HDAC9: variants seen among roughly 807,000 people sequenced by gnomAD.
HDAC9 encodes the protein MEF-2 interacting transcription repressor (MITR) protein.
HDAC9 carries 41 observed loss-of-function variants against 139.4 expected under a neutral mutation model. The ratio of observed to expected loss-of-function variants is 0.29; its 90% CI spans 0.23 to 0.38. The LOEUF (loss-of-function observed/expected upper bound fraction) is 0.38, where lower values mean the gene tolerates loss of function less well. Ranked by LOEUF, HDAC9 falls within the 10% of genes least tolerant of loss-of-function variation. HDAC9 has a pLI of 1.00. For missense variants in HDAC9, 1,147 were observed against 1,297.0 expected, an observed-to-expected ratio of 0.88 and a Z score of 1.78; for synonymous variants, 517 against 476.2, an observed-to-expected ratio of 1.09 and a Z score of -1.12.
chr7:18,194,404 T>C (rs1178327), intron 2 of HDAC9, among the ~76,000 whole-genome samples: 70,196 of 151,968 alleles, frequency 0.46, 17,430 homozygotes, highest in African/African-American at 0.64. Flanking sequence ...TTAAATTTTA[T>C]CATTTTAACA....
chr7:18,989,471 C>T (rs1474309040), intron 25 of HDAC9, among the ~76,000 whole-genome samples: 2 of 151,060 alleles, frequency 1.3e-5, no homozygotes, highest in Non-Finnish European at 3.0e-5. Context: ...ACCTTTCTCT[C>T]TGGCTGCCCT....
At chr7:18,733,777 C>A (rs189885105) in intron 13 of HDAC9, among the ~76,000 whole-genome samples, 2 of 152,032 alleles carry the variant, frequency 1.3e-5, no homozygotes, top group East Asian at 3.9e-4. Context: ...TGAAGACAGA[C>A]TTATTGGGAC....
chr7:18,349,866 A>G (rs1010628104), intron 1 of HDAC9, among the ~76,000 whole-genome samples: 3 of 152,200 alleles, frequency 2.0e-5, no homozygotes, highest in African/African-American at 7.2e-5. Context: ...AATACTTAGT[A>G]TATTTCAGTT....
intron 2 of HDAC9, among the ~76,000 whole-genome samples, chr7:18,538,895 G>A (rs1025895305): frequency 2.0e-5 from 3 of 152,112 alleles, no homozygotes; most frequent in Admixed American, 6.5e-5. Context: ...GGGAGTTCAA[G>A]GTGGAGGGGC....
chr7:18,104,688 G>T (rs528825632), intron 1 of HDAC9, among the ~76,000 whole-genome samples: 20 of 152,012 alleles, frequency 1.3e-4, no homozygotes, highest in African/African-American at 4.8e-4. Flanking sequence ...TTCCTCCTCT[G>T]CCTCTGCTCT....
At chr7:18,905,612 A>G (rs972053113) in intron 22 of HDAC9, among the ~76,000 whole-genome samples, 2 of 26,014 alleles carry the variant, frequency 7.7e-5, no homozygotes, top group African/African-American at 3.1e-4. Context: ...AAACCCTTTT[A>G]AAATGTTTTC....
chr7:18,650,063 C>A (rs1279764041), intron 11 of HDAC9, among the ~76,000 whole-genome samples: 1 of 152,094 alleles, frequency 6.6e-6, no homozygotes, highest in Non-Finnish European at 1.5e-5. Flanking sequence ...AGGAGAGAGC[C>A]AATTTCCTTC....
At chr7:18,893,295 G>T (rs532836306) in intron 22 of HDAC9, among the ~76,000 whole-genome samples, 15 of 152,198 alleles carry the variant, frequency 9.9e-5, no homozygotes, top group African/African-American at 3.6e-4. Flanking sequence ...ACAAGGGGCA[G>T]CAGCGTGAAG....
intron 24 of HDAC9, among the ~76,000 whole-genome samples, chr7:18,966,928 CATT>C (rs1169678243): frequency 6.6e-5 from 10 of 152,248 alleles, no homozygotes; most frequent in Admixed American, 3.9e-4. Context: ...TCGCTATCAA[CATT>C]ATTAGCTGAA....
At chr7:18,906,470 G>C (rs1013759026) in intron 22 of HDAC9, among the ~76,000 whole-genome samples, 1 of 152,102 alleles carries the variant, frequency 6.6e-6, no homozygotes, top group Non-Finnish European at 1.5e-5. Flanking sequence ...AGATATAAAT[G>C]TCTTTTTCTA....
At chr7:18,444,341 G>GAAAA (rs754142568) in intron 1 of HDAC9, among the ~76,000 whole-genome samples, 2 of 35,164 alleles carry the variant, frequency 5.7e-5, no homozygotes, top group African/African-American at 2.2e-4. Context: ...GACCCTGTCT[G>GAAAA]AAAAAAAAAA....
intron 1 of HDAC9, among the ~76,000 whole-genome samples, chr7:18,452,247 A>C (rs906609026): frequency 6.6e-6 from 1 of 152,184 alleles, no homozygotes; most frequent in African/African-American, 2.4e-5. Flanking sequence ...GACCAGGAAC[A>C]ACCAAAATGA....
At chr7:18,640,867 A>G (rs779571359) in intron 8 of HDAC9, among the ~76,000 whole-genome samples, 4 of 152,020 alleles carry the variant, frequency 2.6e-5, no homozygotes, top group Admixed American at 2.6e-4. Flanking sequence ...GTGCCCTTCA[A>G]TATATACCAT....
At chr7:18,521,706 AAC>A (rs1805093937) in intron 2 of HDAC9, among the ~76,000 whole-genome samples, 1 of 152,332 alleles carries the variant, frequency 6.6e-6, no homozygotes, top group South Asian at 2.1e-4. Context: ...AATAATAAAC[AAC>A]AGTCTAGGAT....
At chr7:18,638,134 G>A (rs1784481444) in intron 8 of HDAC9, among the ~76,000 whole-genome samples, 1 of 152,008 alleles carries the variant, frequency 6.6e-6, no homozygotes, top group Admixed American at 6.6e-5. Flanking sequence ...TTTTGCTTAA[G>A]CAACACTGGT....
chr7:18,300,818 A>G (rs1168775234), intron 1 of HDAC9, among the ~76,000 whole-genome samples: 1 of 152,172 alleles, frequency 6.6e-6, no homozygotes, highest in Non-Finnish European at 1.5e-5. Context: ...GATTTTGTAT[A>G]TGTAATTGAC....
intron 17 of HDAC9, among the ~76,000 whole-genome samples, chr7:18,809,100 C>A (rs1235861144): frequency 6.6e-6 from 1 of 151,988 alleles, no homozygotes; most frequent in Non-Finnish European, 1.5e-5. Flanking sequence ...AAAGGATAAT[C>A]TCTTCAACAA....
intron 12 of HDAC9, among the ~76,000 whole-genome samples, chr7:18,690,003 G>T (rs985761890): frequency 6.6e-6 from 1 of 151,976 alleles, no homozygotes; most frequent in Admixed American, 6.6e-5. Flanking sequence ...ACATCAAGCA[G>T]TGGTGTTTCA....
chr7:18,276,691 G>A (rs1169766412), intron 2 of HDAC9, among the ~76,000 whole-genome samples: 1 of 152,130 alleles, frequency 6.6e-6, no homozygotes, highest in Non-Finnish European at 1.5e-5. Context: ...ACAGTGAGTG[G>A]TGTTACATTT....
Sources: gnomAD v4.1 joint callset for allele counts (sites outside exome capture counted in the v4.1 genomes callset) on GRCh38, gnomAD v4.1.1 for gene constraint, MANE v1.5 for transcripts, NCBI Gene and HGNC (gene_info 2026-07-23, HGNC 2026-07-21) for gene names.